DNAH1: variants seen among roughly 807,000 people sequenced by gnomAD.
The protein encoded by DNAH1 is axonemal beta dynein heavy chain 1.
DNAH1 carries 327 observed loss-of-function variants against 484.3 expected under a neutral mutation model. The observed-to-expected ratio is 0.68, with a 90% CI of 0.62 to 0.74. The LOEUF is 0.74. Among genes scored for constraint, DNAH1 ranks in the 30% least tolerant of loss-of-function variants. The pLI is 0.00. For synonymous variants in DNAH1, 2,192 were observed against 2,191.9 expected (o/e 1.00, Z 0.00); for missense variants, 5,052 against 5,546.8 (o/e 0.91, Z 2.83).
rs1019303103 is a variant in DNAH1 at position 52,345,605 on chromosome 3, G to A, written c.1555G>A (p.Glu519Lys). ...VITALSKVRA[E>K]CNKVTAMSLF... ...CACGGCCCTCAGCAAGGTGAGGGCC[G>A]AGTGCAACAAGGTGACCGCCATGTC... Residue 519 changes from glutamate (E) to lysine (K), a missense_variant, in exon 10 of 78, where the codon GAG becomes AAG. This residue lies in a region of DNAH1 where 1,263 missense variants were observed against 1,218.8 expected (regional missense o/e 1.04). Transcript: ENST00000420323. 3.7e-6 allele frequency: 6 copies of A among 1,606,400 alleles called. No homozygotes were observed. The highest frequency in any genetic ancestry group is 2.2e-5 in the South Asian group (2 of 89,800).
Position 52,364,783 on chromosome 3 carries a change from G to A in DNAH1, c.5332-50G>A, listed in dbSNP as rs755726811. On this transcript the variant is annotated intron_variant, in intron 33 of 77. Coordinates refer to ENST00000420323, the MANE Select transcript of DNAH1 (RefSeq NM_015512.5). The surrounding 1 kb of genome is among the most constrained non-coding windows in gnomAD (Gnocchi z 4.2). Reference sequence around the variant, plus strand: ...ACTCTGGGAGGGCTCCTGGGCAGCTGGAGGGCAGCTGGCCCACTGCCCTGA... The same window carrying A: ...ACTCTGGGAGGGCTCCTGGGCAGCTAGAGGGCAGCTGGCCCACTGCCCTGA... 9 of 1,606,868 alleles carry A rather than the reference G, an allele frequency of 5.6e-6. No homozygotes were observed. The East Asian group carries it at 1.6e-4, about 28-fold the overall frequency.
In DNAH1 at chr3:52,358,417, G is replaced by C; in HGVS notation, c.4087-141G>C. The C allele has an allele frequency of 1.0e-6, 1 of 971,008 alleles. No homozygotes were observed. Among genetic ancestry groups the C allele is most frequent in the Non-Finnish European group, 1.5e-6 (1 of 675,710 alleles). 60.1% of individuals were successfully genotyped at this position (971,008 alleles called of 1,614,324 possible). On this transcript the variant is annotated intron_variant, in intron 24 of 77. Transcript: ENST00000420323. This position sits in a 1 kb window ranked among gnomAD's most constrained non-coding sequence, Gnocchi z 4.2. ...ATCCAGCCTGGGAAGGCCCAGCCAA[G>C]ATAGACTCTCGGGGGGACGGGAAGG...
chr3:52,383,158 C>T (rs1703932000), intron 50 of DNAH1, among the ~76,000 whole-genome samples: 1 of 152,178 alleles, frequency 6.6e-6, no homozygotes, highest in African/African-American at 2.4e-5. Context: ...CCAGTGAGGA[C>T]CCAGTGTCCT....
At position 52,395,122 on chromosome 3, in the gene DNAH1, C is replaced by T; in HGVS notation, c.10968+63C>T. 2.6e-6 allele frequency: 4 copies of T among 1,552,864 alleles called. No individual in the cohort carries two copies. Among genetic ancestry groups the T allele is most frequent in the Non-Finnish European group, 3.5e-6 (4 of 1,146,626 alleles). Reference sequence around the variant, plus strand: ...CTTGTCCCCACCCTGGGTCCCAGGGCCCTGGCTGCATCTGGATAGACTACT... The same window carrying T: ...CTTGTCCCCACCCTGGGTCCCAGGGTCCTGGCTGCATCTGGATAGACTACT... On this transcript the variant is annotated intron_variant, in intron 68 of 77. Coordinates refer to ENST00000420323, the MANE Select transcript of DNAH1 (RefSeq NM_015512.5). This position sits in a 1 kb window ranked among gnomAD's most constrained non-coding sequence, Gnocchi z 4.4.
At chr3:52,388,966 C>T (rs1251484019) in intron 59 of DNAH1, 29 bp downstream of exon 59, 2 of 1,556,684 alleles carry the variant, frequency 1.3e-6, no homozygotes, top group African/African-American at 2.7e-5. Context: ...TGTCTCTGAC[C>T]AGCCTCGCCT....
intron 46 of DNAH1, among the ~76,000 whole-genome samples, chr3:52,376,803 A>G (rs1037190888): frequency 3.9e-5 from 3 of 77,612 alleles, no homozygotes; most frequent in African/African-American, 1.5e-4. Context: ...CTCCCCTCCC[A>G]CTTTCCTGTG....
At chr3:52,394,848 A>T in intron 67 of DNAH1, 67 bp from the exon 68 acceptor site, 1 of 1,581,692 alleles carries the variant, frequency 6.3e-7, no homozygotes, top group Non-Finnish European at 8.6e-7. Context: ...CGGCTGGCCG[A>T]ATCCCTGGGG....
In DNAH1 at chr3:52,394,526, C is replaced by T. The variant is rs866647249; in HGVS notation, c.10688C>T (p.Pro3563Leu). 9.3e-6 allele frequency: 15 copies of T among 1,614,036 alleles called. No individual in the cohort carries two copies. The highest frequency in any genetic ancestry group is 1.6e-4 in the Middle Eastern group (1 of 6,062). Residue 3563 changes from proline to leucine, a missense_variant, in exon 67 of 78, where the codon CCG becomes CTG. Physicochemically the swap from Pro to Leu is moderately conservative, Grantham distance 98 (BLOSUM62 -3). Transcript: ENST00000420323. ...TCGATCATGACTGAGAATCCGGCAC[C>T]GGACTGGCTGTCAGACCGGGCTTGG... ...SISIMTENPA[P>L]DWLSDRAWRD...
At chr3:52,382,168 C>CA (rs2153225178) in intron 49 of DNAH1, among the ~76,000 whole-genome samples, 152 bp from the exon 50 acceptor site, 1 of 152,104 alleles carries the variant, frequency 6.6e-6, no homozygotes, top group African/African-American at 2.4e-5. Context: ...GGTCTGAAGG[C>CA]AAAAAAGCAG....
Position 52,375,858 on chromosome 3 carries a change from C to A in DNAH1, c.7160-97C>A, listed in dbSNP as rs561100052. The A allele has an allele frequency of 1.3e-4, 187 of 1,417,972 alleles. 1 individual carries two copies. The South Asian group carries it at 2.0e-3, about 16-fold the overall frequency. The allele number at this position is 1,417,972 out of a possible 1,614,324, so 87.8% of individuals were successfully genotyped here. On this transcript the variant is annotated intron_variant, in intron 45 of 77. Coordinates refer to ENST00000420323, the MANE Select transcript of DNAH1 (RefSeq NM_015512.5). Reference sequence around the variant, plus strand: ...TTATGGGGTTTGGGGAAAAGCTTACCCCAAGATGCTGTTTCCCCCACCATC... The same window carrying A: ...TTATGGGGTTTGGGGAAAAGCTTACACCAAGATGCTGTTTCCCCCACCATC...
At position 52,349,981 on chromosome 3, in the gene DNAH1, A is replaced by G; in HGVS notation, c.2527-8A>G. 6.2e-7 allele frequency: 1 copy of G among 1,603,830 alleles called. No homozygotes were observed. The highest frequency in any genetic ancestry group is 8.5e-7 in the Non-Finnish European group (1 of 1,175,554). Reference sequence around the variant, plus strand: ...GCTGCCCTCCCCAGCGCCTCCTCCCACTGCCAGATCTGCGAGGAGTTCCGC... The same window carrying G: ...GCTGCCCTCCCCAGCGCCTCCTCCCGCTGCCAGATCTGCGAGGAGTTCCGC... On this transcript the variant is annotated splice_region_variant and splice_polypyrimidine_tract_variant and intron_variant, in intron 14 of 77. Transcript: ENST00000420323.
Position 52,358,032 on chromosome 3 carries a change from T to G in DNAH1, c.4086+29T>G, listed in dbSNP as rs1702692093. 6.6e-7 allele frequency: 1 copy of G among 1,525,140 alleles called. No individual in the cohort carries two copies. The highest frequency in any genetic ancestry group is 1.4e-5 in the African/African-American group (1 of 72,420). The allele number at this position is 1,525,140 out of a possible 1,614,324, so 94.5% of individuals were successfully genotyped here. The stretch of plus-strand genomic sequence containing the variant: ...GGCAGCTGGGCCCGGGGCTCAGGGC[T>G]GGGAGCATGGGGCATCTTCCCAGGG... On this transcript the variant is annotated intron_variant, in intron 24 of 77. Coordinates refer to ENST00000420323, the MANE Select transcript of DNAH1 (RefSeq NM_015512.5). This position sits in a 1 kb window ranked among gnomAD's most constrained non-coding sequence, Gnocchi z 4.2.
In DNAH1 at chr3:52,355,994, C is replaced by T. The variant is rs1702593919; in HGVS notation, c.3694-620C>T. Among the ~76,000 whole-genome samples the T allele has an allele frequency of 6.6e-6, 1 of 152,240 alleles. No homozygotes were observed. Among genetic ancestry groups the T allele is most frequent in the Non-Finnish European group, 1.5e-5 (1 of 68,040 alleles). On this transcript the variant is annotated intron_variant, in intron 21 of 77. Coordinates refer to ENST00000420323, the MANE Select transcript of DNAH1 (RefSeq NM_015512.5). The surrounding 1 kb of genome is among the most constrained non-coding windows in gnomAD (Gnocchi z 4.5). ...CCGCATTCCCCTGTTTCCCCTAGTG[C>T]CTCCCAGGGCCTGGCACAGTCCTGA...
rs761054590 is a variant in DNAH1 at position 52,385,432 on chromosome 3, C to T, written c.8610C>T (p.Thr2870=). The T allele has an allele frequency of 7.1e-6, 11 of 1,551,920 alleles. No individual in the cohort carries two copies. The South Asian group carries it at 1.3e-4, about 18-fold the overall frequency. Residue 2870 remains threonine, a synonymous_variant, in exon 54 of 78, where the codon ACC becomes ACT. Coordinates refer to ENST00000420323, the MANE Select transcript of DNAH1 (RefSeq NM_015512.5). ...AGGCTGCCAAGGACACCATGCTCAC[C>T]ATGGAGCAGATCAAGGTTGGGGTGC... The part of the protein sequence containing the change: ...LEEAAKDTML[T]MEQIKVDTAI...
intron 37 of DNAH1, among the ~76,000 whole-genome samples, chr3:52,369,596 C>T (rs1026601359): frequency 6.6e-6 from 1 of 152,136 alleles, no homozygotes; most frequent in Non-Finnish European, 1.5e-5. Context: ...GTCTGGTCAG[C>T]GAACCTCAGG....
intron 48 of DNAH1, among the ~76,000 whole-genome samples, chr3:52,380,410 C>T (rs573760064): frequency 1.3e-5 from 2 of 151,802 alleles, no homozygotes; most frequent in African/African-American, 2.4e-5. Flanking sequence ...GGGCCGGGGG[C>T]GGGGCCTGGG....
chr3:52,354,014 G>A (rs573988896), intron 20 of DNAH1, among the ~76,000 whole-genome samples: 1 of 152,080 alleles, frequency 6.6e-6, no homozygotes, highest in South Asian at 2.1e-4. Flanking sequence ...GCAACATAGG[G>A]AGACCCCCAT....
chr3:52,350,114 G>T lies in DNAH1; in HGVS notation c.2646+6G>T, dbSNP rs1196863536. The T allele has an allele frequency of 6.2e-7, 1 of 1,609,608 alleles. No homozygotes were observed. The highest frequency in any genetic ancestry group is 8.5e-7 in the Non-Finnish European group (1 of 1,178,798). On this transcript the variant is annotated splice_donor_region_variant and intron_variant, in intron 15 of 77. Transcript: ENST00000420323. ...AGAGGCTGGTGGGCCTGGAGGTGAG[G>T]CAGGCACACGGGCACTGGGGCCAGG...
upstream of DNAH1, among the ~76,000 whole-genome samples, chr3:52,314,950 C>G (rs1161683869): frequency 3.3e-5 from 5 of 152,238 alleles, no homozygotes; most frequent in African/African-American, 4.8e-5. Flanking sequence ...AAACTCTGTT[C>G]TACTCCTTGC....
Sources: allele counts gnomAD v4.1 joint callset (sites outside exome capture counted in the v4.1 genomes callset), GRCh38; gene constraint gnomAD v4.1.1; regional missense constraint gnomAD v4.1.1; non-coding constraint Gnocchi (gnomAD v3.1); transcripts MANE v1.5; gene names NCBI Gene and HGNC (gene_info 2026-07-23, HGNC 2026-07-21).